Variants in ADGRB1 observed in about 807,000 individuals in gnomAD.
ADGRB1 encodes the protein adhesion G protein-coupled receptor B1, also known as brain-specific angiogenesis inhibitor 1.
Under a neutral mutation model 175.7 loss-of-function variants are expected in ADGRB1, and 36 were observed. The ratio of observed to expected loss-of-function variants is 0.20; its 90% CI spans 0.16 to 0.27. The LOEUF is 0.27. Among genes scored for constraint, ADGRB1 ranks in the 10% least tolerant of loss-of-function variants. ADGRB1 has a pLI of 1.00. For missense variants in ADGRB1, 1,731 were observed against 2,255.3 expected (o/e 0.77, Z 4.71); for synonymous variants, 1,054 against 979.4 (o/e 1.08, Z -1.42).
At chr8:142,471,060 G>T (rs944079694) in intron 2 of ADGRB1, among the ~76,000 whole-genome samples, 4 of 152,146 alleles carry the variant, frequency 2.6e-5, no homozygotes, top group Admixed American at 2.6e-4. Flanking sequence ...GAGCACCGAG[G>T]GGCTTGGGAA....
rs776039989 is a variant in ADGRB1, at chr8:142,542,668, C to T, written c.4413+21C>T. 3.9e-6 allele frequency: 6 copies of T among 1,525,632 alleles called. No homozygotes were observed. In the South Asian group the frequency reaches 4.9e-5, roughly 12 times the overall value. 94.5% of individuals were successfully genotyped at this position (1,525,632 alleles called of 1,614,324 possible). ...TGGAGGTGAGGGGGGCAGGGGTGGG[C>T]CACACCCCAGCCAGCGAGGGCAGGG... On this transcript the variant is annotated intron_variant, in intron 28 of 30. Coordinates refer to ENST00000517894, the MANE Select transcript of ADGRB1 (RefSeq NM_001702.3). This position sits in a 1 kb window ranked among gnomAD's most constrained non-coding sequence, Gnocchi z 6.3.
chr8:142,526,503 G>GGCCCCCCCCCCCCCCCCC, intron 23 of ADGRB1, 39 bp from the exon 24 acceptor site: 2 of 1,259,238 alleles, frequency 1.6e-6, no homozygotes, highest in Non-Finnish European at 2.3e-6. Flanking sequence ...GCCTACGGCG[G>GGCCCCCCCCCCCCCCCCC]CCCCCACCCC....
At chr8:142,452,754 G>T (rs117692597) in intron 1 of ADGRB1, among the ~76,000 whole-genome samples, 6,316 of 152,112 alleles carry the variant, frequency 0.042, 213 homozygotes, top group East Asian at 0.16. Flanking sequence ...AGCCTCCTGC[G>T]GCGTCCTCCG....
At chr8:142,521,289 G>A (rs1211216155) in intron 20 of ADGRB1, among the ~76,000 whole-genome samples, 1 of 152,118 alleles carries the variant, frequency 6.6e-6, no homozygotes, top group Non-Finnish European at 1.5e-5. Context: ...GGTGACAGAG[G>A]CTCCCACGGT....
At chr8:142,534,940 G>A (rs553460054) in intron 25 of ADGRB1, among the ~76,000 whole-genome samples, 15 of 152,332 alleles carry the variant, frequency 9.8e-5, no homozygotes, top group Non-Finnish European at 1.9e-4. Context: ...CGTCACAGGA[G>A]CTCATCACCA....
At position 142,543,863 on chromosome 8, in the gene ADGRB1, A is replaced by T. The variant is rs1397736707; in HGVS notation, c.4557+155A>T. On this transcript the variant is annotated intron_variant, in intron 30 of 30. Coordinates refer to ENST00000517894, the MANE Select transcript of ADGRB1 (RefSeq NM_001702.3). The surrounding 1 kb of genome is among the most constrained non-coding windows in gnomAD (Gnocchi z 4.4). Reference sequence around the variant, plus strand: ...TCGCCCATCCCTGAGGGCTGGCCTGACCCTGCCATGCCAGACTCTGGAGGC... The same window carrying T: ...TCGCCCATCCCTGAGGGCTGGCCTGTCCCTGCCATGCCAGACTCTGGAGGC... 6.6e-6 allele frequency among the ~76,000 whole-genome samples: 1 copy of T among 151,150 alleles called. No individual in the cohort carries two copies. Among genetic ancestry groups the T allele is most frequent in the African/African-American group, 2.4e-5 (1 of 41,008 alleles).
chr8:142,539,229 C>T (rs1845118391), intron 26 of ADGRB1, 145 bp from the exon 27 acceptor site: 7 of 762,486 alleles, frequency 9.2e-6, no homozygotes, highest in Non-Finnish European at 1.5e-5. Flanking sequence ...GCATGGTCGC[C>T]CACGTGGGGC....
Position 142,488,387 on chromosome 8 carries a change from G to A in ADGRB1, c.2332G>A (p.Ala778Thr). Reference sequence around the variant, plus strand: ...AGTTCTCAGCATCCATAAGCTCCCAGCCAGCGGAGCCACTGACATCAGCTT... The same window carrying A: ...AGTTCTCAGCATCCATAAGCTCCCAACCAGCGGAGCCACTGACATCAGCTT... The part of the protein sequence containing the change: ...NLVLSIHKLP[A>T]SGATDISFPM... Residue 778 changes from alanine (A) to threonine (T), a missense_variant, in exon 14 of 31, where the codon GCC becomes ACC. Ala to Thr is a moderately conservative substitution (Grantham distance 58, BLOSUM62 0). Transcript: ENST00000517894. The A allele has an allele frequency of 6.2e-7, 1 of 1,613,096 alleles. No individual in the cohort carries two copies. Among genetic ancestry groups the A allele is most frequent in the African/African-American group, 1.3e-5 (1 of 75,052 alleles).
chr8:142,497,994 T>C (rs1235866114), intron 17 of ADGRB1, among the ~76,000 whole-genome samples: 3 of 152,258 alleles, frequency 2.0e-5, no homozygotes, highest in East Asian at 3.9e-4. Context: ...CATCTGGGAA[T>C]GGACCCAGCT....
At chr8:142,507,398 C>T (rs952412316) in intron 17 of ADGRB1, among the ~76,000 whole-genome samples, 7 of 152,324 alleles carry the variant, frequency 4.6e-5, no homozygotes, top group South Asian at 4.1e-4. Flanking sequence ...ACAGAATGGC[C>T]GGGAGCTTCC....
At chr8:142,456,906 C>T (rs1308030847) in intron 1 of ADGRB1, among the ~76,000 whole-genome samples, 1 of 152,268 alleles carries the variant, frequency 6.6e-6, no homozygotes, top group Non-Finnish European at 1.5e-5. Context: ...GCTAGGGGCT[C>T]ACCAGCCTGG....
Position 142,492,251 on chromosome 8 carries a change from G to A in ADGRB1, c.2675+1436G>A, listed in dbSNP as rs546110464. On this transcript the variant is annotated intron_variant, in intron 17 of 30. Transcript: ENST00000517894. This position sits in a 1 kb window ranked among gnomAD's most constrained non-coding sequence, Gnocchi z 4.4. ...CGTCCGCCTGTTCTTTAATCCATCC[G>A]CCCATCGCCCACTGCTCACCACCCT... Among the ~76,000 whole-genome samples the A allele has an allele frequency of 2.6e-5, 4 of 152,076 alleles. No individual in the cohort carries two copies. Among genetic ancestry groups the A allele is most frequent in the East Asian group, 1.9e-4 (1 of 5,164 alleles).
In ADGRB1 at chr8:142,542,600, A is replaced by C. The variant is rs1259714214; in HGVS notation, c.4366A>C (p.Ser1456Arg). 63 of 1,543,096 alleles carry C rather than the reference A, an allele frequency of 4.1e-5. No individual in the cohort carries two copies. The Admixed American group carries it at 1.2e-3, about 30-fold the overall frequency. ...CCATCCGGGACCCAGCACGGGGCCC[A>C]GCACCAAGAACGAGAATGTCGCCAC... ...AAHPGPSTGP[S>R]TKNENVATLS... The change falls in exon 28 of 31, where the codon AGC (serine) becomes CGC (arginine). Residue 1456 changes from serine to arginine, a missense_variant. By Grantham distance (110) the Ser-to-Arg change is moderately radical (BLOSUM62 -1). Coordinates refer to ENST00000517894, the MANE Select transcript of ADGRB1 (RefSeq NM_001702.3). The surrounding 1 kb of genome is among the most constrained non-coding windows in gnomAD (Gnocchi z 6.3).
chr8:142,480,986 G>A (rs974674648), intron 9 of ADGRB1, among the ~76,000 whole-genome samples: 2 of 98,660 alleles, frequency 2.0e-5, no homozygotes, highest in South Asian at 3.2e-4. Flanking sequence ...GGCCCTGCTC[G>A]GCCGAGATCT....
intron 26 of ADGRB1, among the ~76,000 whole-genome samples, chr8:142,539,137 T>G (rs1259157632): frequency 6.6e-6 from 1 of 152,014 alleles, no homozygotes; most frequent in Non-Finnish European, 1.5e-5. Context: ...CACAGACATA[T>G]CCACAAACAC....
chr8:142,501,782 G>A (rs111161540), intron 17 of ADGRB1, among the ~76,000 whole-genome samples: 1 of 52,952 alleles, frequency 1.9e-5, no homozygotes, highest in African/African-American at 4.3e-5. Flanking sequence ...GGTAGGGATG[G>A]CTGTGTGGTT....
rs1195393583 is a variant in ADGRB1 at position 142,476,578 on chromosome 8, C to G, written c.947-7C>G. ...CGCTCCTGTGCTGACCTAAGCCCGT[C>G]CTGCAGCCGCTGGGCGCACCAGCTC... is the stretch of plus-strand genomic sequence containing the variant. On this transcript the variant is annotated splice_polypyrimidine_tract_variant and splice_region_variant and intron_variant, in intron 3 of 30. Transcript: ENST00000517894. 6.5e-7 allele frequency: 1 copy of G among 1,548,392 alleles called. No homozygotes were observed. The highest frequency in any genetic ancestry group is 1.2e-5 in the South Asian group (1 of 84,002).
Position 142,542,469 on chromosome 8 carries a change from C to T in ADGRB1, c.4235C>T (p.Pro1412Leu), listed in dbSNP as rs1197649581. ...CCCGAGGCACCCCCTGCCCAGCCCCCACCGCCTCCGCCCCCACCGCCACCA... is the reference window on the plus strand; with the variant it reads ...CCCGAGGCACCCCCTGCCCAGCCCCTACCGCCTCCGCCCCCACCGCCACCA... ...GPPEAPPAQP[P>L]PPPPPPPPPP... Residue 1412 changes from proline (P) to leucine (L), a missense_variant, in exon 28 of 31, where the codon CCA becomes CTA. Physicochemically the swap from Pro to Leu is moderately conservative, Grantham distance 98 (BLOSUM62 -3). Coordinates refer to ENST00000517894, the MANE Select transcript of ADGRB1 (RefSeq NM_001702.3). This position sits in a 1 kb window ranked among gnomAD's most constrained non-coding sequence, Gnocchi z 6.3. The T allele has an allele frequency of 3.8e-5, 50 of 1,314,364 alleles. No homozygotes were observed. Among genetic ancestry groups the T allele is most frequent in the Non-Finnish European group, 4.5e-5 (45 of 1,003,398 alleles). 81.4% of individuals were successfully genotyped at this position (1,314,364 alleles called of 1,614,324 possible). A position where few individuals can be genotyped will look rare whatever the true frequency, so the allele number is the denominator to read the frequency against.
chr8:142,452,891 C>G (rs1019598868), intron 1 of ADGRB1, among the ~76,000 whole-genome samples: 15 of 149,312 alleles, frequency 1.0e-4, no homozygotes, highest in Non-Finnish European at 2.1e-4. Flanking sequence ...GGCGGAGGGC[C>G]GGCGCGCTGC....
Sources: allele counts gnomAD v4.1 joint callset (sites outside exome capture counted in the v4.1 genomes callset), GRCh38; gene constraint gnomAD v4.1.1; non-coding constraint Gnocchi (gnomAD v3.1); transcripts MANE v1.5; gene names NCBI Gene and HGNC (gene_info 2026-07-23, HGNC 2026-07-21).